PTPRT: variants seen among roughly 807,000 people sequenced by gnomAD.
PTPRT encodes the protein protein tyrosine phosphatase receptor type T.
Under a neutral mutation model 176.8 loss-of-function variants are expected in PTPRT, and 56 were observed. That is an observed-to-expected ratio of 0.32 (90% confidence interval 0.26 to 0.40). The LOEUF (loss-of-function observed/expected upper bound fraction) is 0.40. Ranked by LOEUF, PTPRT falls within the 10% of genes least tolerant of loss-of-function variation. The probability of loss-of-function intolerance (pLI) is 1.00; values close to 1 mark genes in which losing one functional copy is unlikely to be tolerated. For synonymous variants in PTPRT, 783 were observed against 739.0 expected (o/e 1.06, Z -0.96); for missense variants, 1,540 against 1,908.2 (o/e 0.81, Z 3.60).
chr20:42,267,072 G>A (rs979033416), intron 13 of PTPRT, among the ~76,000 whole-genome samples: 1 of 152,178 alleles, frequency 6.6e-6, no homozygotes, highest in Admixed American at 6.5e-5. Context: ...GTGGGCTTAA[G>A]ATTCTTTGAC....
chr20:42,405,196 CTTTTT>C (rs572557403), intron 9 of PTPRT, among the ~76,000 whole-genome samples: 1 of 144,584 alleles, frequency 6.9e-6, no homozygotes, highest in Non-Finnish European at 1.5e-5. Context: ...TTTTTTTTTT[CTTTTT>C]TTTTATTATA....
chr20:42,754,850 C>G (rs1178925724), intron 6 of PTPRT, among the ~76,000 whole-genome samples: 1 of 152,096 alleles, frequency 6.6e-6, no homozygotes, highest in Non-Finnish European at 1.5e-5. Flanking sequence ...TGTGAAATGA[C>G]TGATTGTGCA....
At chr20:43,033,221 T>C (rs2146200480) in intron 1 of PTPRT, among the ~76,000 whole-genome samples, 1 of 152,292 alleles carries the variant, frequency 6.6e-6, no homozygotes, top group East Asian at 1.9e-4. Flanking sequence ...TGTCAGTAGA[T>C]GTGAAGACAA....
Position 42,372,376 on chromosome 20 carries a change from T to C in PTPRT, c.1561-20091A>G, listed in dbSNP as rs535987724. Among the ~76,000 whole-genome samples, 465 of 147,516 alleles carry C rather than the reference T, an allele frequency of 3.2e-3. 5 individuals carry two copies. Among genetic ancestry groups the C allele is most frequent in the South Asian group, 8.3e-3 (38 of 4,560 alleles). ...TTGGCTCATTGCAACCTCTGCCTCC[T>C]GGGTTCAAGCGATTCTCCTGTCTCG... On this transcript the variant is annotated intron_variant, in intron 9 of 30. Coordinates refer to ENST00000373187, the MANE Select transcript of PTPRT (RefSeq NM_007050.6).
intron 7 of PTPRT, among the ~76,000 whole-genome samples, chr20:42,592,294 G>A (rs979512589): frequency 9.2e-5 from 14 of 152,072 alleles, no homozygotes; most frequent in African/African-American, 2.9e-4. Context: ...ATTCTATTAC[G>A]ATAAATATGT....
At chr20:43,093,213 C>T (rs902201985) in intron 1 of PTPRT, among the ~76,000 whole-genome samples, 2 of 152,172 alleles carry the variant, frequency 1.3e-5, no homozygotes, top group South Asian at 2.1e-4. Flanking sequence ...AGTTATGTCA[C>T]GTGCTTATGA....
chr20:43,117,849 G>C (rs911934782), intron 1 of PTPRT, among the ~76,000 whole-genome samples: 2 of 152,110 alleles, frequency 1.3e-5, no homozygotes, highest in Non-Finnish European at 2.9e-5. Context: ...CTTTTTCCCA[G>C]GGAAGTCTAA....
chr20:42,085,921 C>T, intron 27 of PTPRT, 68 bp from the exon 28 acceptor site: 1 of 1,450,316 alleles, frequency 6.9e-7, no homozygotes. Context: ...TCTCATTTAT[C>T]AACAAGCTTT....
chr20:42,945,205 A>T (rs1980806713), intron 1 of PTPRT, among the ~76,000 whole-genome samples: 1 of 151,752 alleles, frequency 6.6e-6, no homozygotes, highest in Admixed American at 6.6e-5. Flanking sequence ...GTATGTATGT[A>T]TGTATGTATT....
At chr20:42,944,388 G>C (rs967144351) in intron 1 of PTPRT, among the ~76,000 whole-genome samples, 14 of 152,098 alleles carry the variant, frequency 9.2e-5, no homozygotes, top group African/African-American at 3.4e-4. Context: ...CAATAGCAGT[G>C]ACACTCCTGG....
At chr20:42,314,764 G>A (rs1040061383) in intron 12 of PTPRT, among the ~76,000 whole-genome samples, 2 of 152,110 alleles carry the variant, frequency 1.3e-5, no homozygotes, top group Non-Finnish European at 2.9e-5. Context: ...GATGCTAAGA[G>A]TGTGAATCAA....
intron 14 of PTPRT, among the ~76,000 whole-genome samples, chr20:42,238,006 T>A (rs2056278766): frequency 6.6e-6 from 1 of 152,184 alleles, no homozygotes; most frequent in Admixed American, 6.5e-5. Context: ...CCATCTCAAG[T>A]AGGAAATATC....
In PTPRT at chr20:42,663,942, C is replaced by A. The variant is rs185694835; in HGVS notation, c.1153+13924G>T. Among the ~76,000 whole-genome samples the A allele has an allele frequency of 1.0e-3, 158 of 152,266 alleles. 2 individuals carry two copies. The highest frequency in any genetic ancestry group is 3.6e-3 in the African/African-American group (150 of 41,556). On this transcript the variant is annotated intron_variant, in intron 7 of 30. Transcript: ENST00000373187. ...ATGCAGTGATGATCTCTGTCTGAAA[C>A]TCTCTTTTGAGCAGCTCTGATTATT...
the PTPRT span, among the ~76,000 whole-genome samples, chr20:42,046,681 G>A: frequency 3.3e-5 from 5 of 152,206 alleles, no homozygotes; most frequent in African/African-American, 4.8e-5. Context: ...TGCAGAGTCT[G>A]TAATTAGGAC....
At chr20:42,311,759 T>C (rs931940120) in intron 12 of PTPRT, among the ~76,000 whole-genome samples, 1 of 152,140 alleles carries the variant, frequency 6.6e-6, no homozygotes, top group Non-Finnish European at 1.5e-5. Flanking sequence ...TTGATTTTCA[T>C]GTTTACTTAT....
At chr20:43,029,876 G>A (rs1375203432) in intron 1 of PTPRT, among the ~76,000 whole-genome samples, 1 of 152,154 alleles carries the variant, frequency 6.6e-6, no homozygotes, top group Non-Finnish European at 1.5e-5. Flanking sequence ...TTTTTGCTCT[G>A]TTCCACAGAC....
At chr20:42,247,339 G>C (rs2056469912) in intron 14 of PTPRT, among the ~76,000 whole-genome samples, 1 of 152,204 alleles carries the variant, frequency 6.6e-6, no homozygotes, top group South Asian at 2.1e-4. Context: ...CCAAGAGAGG[G>C]TTGACTGCAT....
intron 16 of PTPRT, among the ~76,000 whole-genome samples, chr20:42,185,670 C>A (rs1004668484): frequency 1.3e-5 from 2 of 152,128 alleles, no homozygotes; most frequent in East Asian, 3.9e-4. Context: ...GTCAGTTGTA[C>A]TGAGCTTTCT....
At chr20:42,350,233 T>TGTTTG (rs1568799588) in intron 11 of PTPRT, among the ~76,000 whole-genome samples, 2 of 114,996 alleles carry the variant, frequency 1.7e-5, no homozygotes, top group Non-Finnish European at 3.6e-5. Flanking sequence ...TTTTTTTTTT[T>TGTTTG]TTTTTTTTTT....
Sources: allele counts gnomAD v4.1 joint callset (sites outside exome capture counted in the v4.1 genomes callset), GRCh38; gene constraint gnomAD v4.1.1; transcripts MANE v1.5; gene names NCBI Gene and HGNC (gene_info 2026-07-23, HGNC 2026-07-21).